Variants in CRCP observed in about 807,000 individuals in gnomAD.
CRCP encodes CGRP receptor component, also known as DNA-directed RNA polymerase III subunit RPC9.
A neutral mutation model predicts 18.5 loss-of-function variants in CRCP; 18 were observed. The observed-to-expected ratio is 0.97, with a 90% confidence interval of 0.67 to 1.44. The LOEUF is 1.44. Ranked by LOEUF, CRCP falls within the 40% of genes most tolerant of loss-of-function variation. CRCP has a pLI of 0.00. For synonymous variants in CRCP, 53 were observed against 62.9 expected, an observed-to-expected ratio of 0.84 and a Z score of 0.75; for missense variants, 130 against 176.4, an observed-to-expected ratio of 0.74 and a Z score of 1.49.
chr7:66,118,578 G>A (rs1459675550), intron 1 of CRCP, among the ~76,000 whole-genome samples: 1 of 152,160 alleles, frequency 6.6e-6, no homozygotes, highest in Non-Finnish European at 1.5e-5. Context: ...TTGGGGGATT[G>A]GTTCTGGGAC....
chr7:66,120,862 A>G (rs413548), intron 1 of CRCP: 1 of 151,966 alleles, frequency 6.6e-6, no homozygotes, highest in Non-Finnish European at 1.5e-5. Context: ...GGATTTTAGT[A>G]TATGTGGGGG....
At chr7:66,145,704 T>C (rs1788272545) in intron 5 of CRCP, among the ~76,000 whole-genome samples, 1 of 152,192 alleles carries the variant, frequency 6.6e-6, no homozygotes, top group African/African-American at 2.4e-5. Context: ...ATTCCTCCTC[T>C]AGGGTTTTGG....
At chr7:66,132,712 G>A (rs1164430618) in intron 3 of CRCP, among the ~76,000 whole-genome samples, 3 of 152,086 alleles carry the variant, frequency 2.0e-5, no homozygotes, top group Middle Eastern at 3.4e-3. Context: ...TCAGGAGATC[G>A]AGACCACGGT....
chr7:66,115,647 C>T (rs1382006318), intron 1 of CRCP, among the ~76,000 whole-genome samples: 1 of 152,132 alleles, frequency 6.6e-6, no homozygotes, highest in Admixed American at 6.6e-5. Flanking sequence ...GAAGATTTTG[C>T]ATCTACTCTG....
At chr7:66,140,802 C>A (rs1221231526) in intron 4 of CRCP, among the ~76,000 whole-genome samples, 1 of 152,158 alleles carries the variant, frequency 6.6e-6, no homozygotes, top group Non-Finnish European at 1.5e-5. Context: ...CTCTTTTCAT[C>A]TCTTTGGGCT....
Position 66,150,358 on chromosome 7 carries a change from G to T in CRCP, c.298-1850G>T, listed in dbSNP as rs1009885586. Reference sequence around the variant, plus strand: ...TCCAGCCTGGGCAACAAGAGTGAAGGGGGGGAGTTGAAGATTGTTTCTTTC... The same window carrying T: ...TCCAGCCTGGGCAACAAGAGTGAAGTGGGGGAGTTGAAGATTGTTTCTTTC... On this transcript the variant is annotated intron_variant, in intron 5 of 5. Coordinates refer to ENST00000395326, the MANE Select transcript of CRCP (RefSeq NM_014478.5). 2.7e-3 allele frequency among the ~76,000 whole-genome samples: 43 copies of T among 15,638 alleles called. No homozygotes were observed. The South Asian group carries it at 0.044, about 16-fold the overall frequency. The allele number at this position is 15,638 out of a possible 152,430, so 10.3% of individuals were successfully genotyped here. A position where few individuals can be genotyped will look rare whatever the true frequency, so the allele number is the denominator to read the frequency against.
At chr7:66,128,399 T>G (rs932793059) in intron 2 of CRCP, among the ~76,000 whole-genome samples, 1 of 152,182 alleles carries the variant, frequency 6.6e-6, no homozygotes, top group Non-Finnish European at 1.5e-5. Context: ...CATTAAAATT[T>G]TTATGATTTT....
At chr7:66,122,163 CAGG>C (rs1042448996) in intron 1 of CRCP, among the ~76,000 whole-genome samples, 1 of 152,062 alleles carries the variant, frequency 6.6e-6, no homozygotes, top group Non-Finnish European at 1.5e-5. Flanking sequence ...ATCACAAGGT[CAGG>C]AGATCAAGAC....
In CRCP at chr7:66,145,570, G is replaced by A. The variant is rs1788269583; in HGVS notation, c.297+70G>A. 3 of 1,536,734 alleles carry A rather than the reference G, an allele frequency of 2.0e-6. No individual in the cohort carries two copies. In the South Asian group the frequency reaches 3.4e-5, roughly 17 times the overall value. On this transcript the variant is annotated intron_variant, in intron 5 of 5. Coordinates refer to ENST00000395326, the MANE Select transcript of CRCP (RefSeq NM_014478.5). ...GATGTAGAATGGCTGTGGTGGACAAGCCAGGAACTGCGTTTTTTTTAAGAG... is the reference window on the plus strand; with the variant it reads ...GATGTAGAATGGCTGTGGTGGACAAACCAGGAACTGCGTTTTTTTTAAGAG...
intron 1 of CRCP, 27 bp from the exon 2 acceptor site, chr7:66,127,677 T>G (rs773722979): frequency 4.0e-5 from 65 of 1,613,844 alleles, no homozygotes; most frequent in Admixed American, 6.7e-5. Flanking sequence ...GAGCCCAGAC[T>G]GATGATAGCT....
intron 2 of CRCP, chr7:66,130,097 CTTT>C (rs35682014): frequency 0.012 from 1,153 of 99,532 alleles, no homozygotes; most frequent in South Asian, 0.019. Context: ...AAGCAGGATT[CTTT>C]TTTTTTTTTT....
chr7:66,126,505 C>T (rs1787622266), intron 1 of CRCP: 1 of 281,774 alleles, frequency 3.5e-6, no homozygotes, highest in Admixed American at 4.9e-5. Context: ...TGACCTTGAG[C>T]AAGTTACTTA....
chr7:66,129,053 G>T (rs1009055638), intron 2 of CRCP, among the ~76,000 whole-genome samples: 53 of 151,984 alleles, frequency 3.5e-4, no homozygotes, highest in Non-Finnish European at 6.8e-4. Context: ...TAAATTAGCG[G>T]CCGGGCGCGG....
intron 3 of CRCP, among the ~76,000 whole-genome samples, chr7:66,133,619 T>C (rs1787878500): frequency 1.3e-5 from 2 of 151,246 alleles, no homozygotes. Flanking sequence ...TGTAGACTCA[T>C]GGCAATTTAT....
At chr7:66,115,992 G>A (rs1317767539) in intron 1 of CRCP, among the ~76,000 whole-genome samples, 1 of 151,926 alleles carries the variant, frequency 6.6e-6, no homozygotes, top group African/African-American at 2.4e-5. Context: ...GTAGATGCAG[G>A]GTCTCACTAC....
intron 1 of CRCP, among the ~76,000 whole-genome samples, chr7:66,119,379 C>G (rs2115853580): frequency 6.6e-6 from 1 of 152,198 alleles, no homozygotes; most frequent in East Asian, 1.9e-4. Context: ...ACCAGTAAAC[C>G]TAAGTAGGTG....
intron 1 of CRCP, 135 bp downstream of exon 1, chr7:66,115,105 A>G: frequency 7.6e-7 from 1 of 1,312,548 alleles, no homozygotes. Flanking sequence ...CCTGTCCGGG[A>G]GGGCCGCGGG....
intron 4 of CRCP, among the ~76,000 whole-genome samples, chr7:66,138,395 T>A (rs1301427903): frequency 6.6e-6 from 1 of 151,416 alleles, no homozygotes; most frequent in Non-Finnish European, 1.5e-5. Flanking sequence ...AATAATTAAT[T>A]AAAAAAAAAT....
chr7:66,152,203 T>G lies in CRCP; in HGVS notation c.298-5T>G. On this transcript the variant is annotated splice_region_variant and splice_polypyrimidine_tract_variant and intron_variant, in intron 5 of 5. Coordinates refer to ENST00000395326, the MANE Select transcript of CRCP (RefSeq NM_014478.5). ...AACCCTGGAGGATTTTCTTTCCTTCTGCAGATGGTGGAAGAGAGTGAAGAG... is the reference window on the plus strand; with the variant it reads ...AACCCTGGAGGATTTTCTTTCCTTCGGCAGATGGTGGAAGAGAGTGAAGAG... 1 of 1,614,090 alleles carries G rather than the reference T, an allele frequency of 6.2e-7. No individual in the cohort carries two copies. Among genetic ancestry groups the G allele is most frequent in the Non-Finnish European group, 8.5e-7 (1 of 1,180,000 alleles).
Sources: gnomAD v4.1 joint callset for allele counts (sites outside exome capture counted in the v4.1 genomes callset) on GRCh38, gnomAD v4.1.1 for gene constraint, MANE v1.5 for transcripts, NCBI Gene and HGNC (gene_info 2026-07-23, HGNC 2026-07-21) for gene names.